Variants in TENM2 observed in about 807,000 individuals in gnomAD.
The protein encoded by TENM2 is teneurin transmembrane protein 2, also known as teneurin-2.
In TENM2, 52 loss-of-function variants were observed where a neutral mutation model predicts 245.2. The ratio of observed to expected loss-of-function variants is 0.21; its 90% CI spans 0.17 to 0.27. The LOEUF (loss-of-function observed/expected upper bound fraction) is 0.27. Among genes scored for constraint, TENM2 ranks in the 10% least tolerant of loss-of-function variants. The pLI, the probability that TENM2 is intolerant of heterozygous loss-of-function variation, is 1.00. For synonymous variants in TENM2, 1,363 were observed against 1,438.9 expected (o/e 0.95, Z 1.19); for missense variants, 3,046 against 3,666.8 (o/e 0.83, Z 4.37).
intron 2 of TENM2, among the ~76,000 whole-genome samples, chr5:167,570,356 T>C (rs961784765): frequency 2.0e-5 from 1 of 50,410 alleles, no homozygotes; most frequent in Admixed American, 2.5e-4. Context: ...TGGATGTCAT[T>C]CAGAGTGGCA....
At chr5:167,354,698 G>A (rs557969179) in intron 1 of TENM2, among the ~76,000 whole-genome samples, 1 of 152,284 alleles carries the variant, frequency 6.6e-6, no homozygotes, top group African/African-American at 2.4e-5. Context: ...TCGTTATGTG[G>A]CCTTAGGAAT....
intron 2 of TENM2, among the ~76,000 whole-genome samples, chr5:167,417,074 C>T (rs964913529): frequency 2.0e-5 from 3 of 152,150 alleles, no homozygotes; most frequent in African/African-American, 4.8e-5. Flanking sequence ...GCCCCTTCTC[C>T]ATGTCCCTAA....
the TENM2 span, among the ~76,000 whole-genome samples, chr5:167,158,443 T>C: frequency 1.3e-5 from 2 of 152,204 alleles, no homozygotes; most frequent in African/African-American, 4.8e-5. Flanking sequence ...ATGGTTTAGA[T>C]TGGCCTGCTT....
chr5:167,680,058 T>G (rs1756596812), intron 2 of TENM2, among the ~76,000 whole-genome samples: 1 of 152,086 alleles, frequency 6.6e-6, no homozygotes, highest in East Asian at 1.9e-4. Context: ...AGACACAGGC[T>G]TTGGAGAAAG....
At chr5:168,173,430 G>A (rs1297610281) in intron 13 of TENM2, among the ~76,000 whole-genome samples, 1 of 152,070 alleles carries the variant, frequency 6.6e-6, no homozygotes, top group Non-Finnish European at 1.5e-5. Context: ...TTCAGACCTG[G>A]GACCTAGATT....
At chr5:167,710,928 T>G (rs1758868953) in intron 2 of TENM2, among the ~76,000 whole-genome samples, 1 of 152,192 alleles carries the variant, frequency 6.6e-6, no homozygotes. Context: ...GCAGAAATAG[T>G]AACAATACAG....
chr5:167,785,074 C>A (rs576756957), intron 2 of TENM2, among the ~76,000 whole-genome samples: 2 of 152,192 alleles, frequency 1.3e-5, no homozygotes, highest in South Asian at 4.1e-4. Flanking sequence ...AAATTTTTTA[C>A]ATTTCTAATT....
chr5:168,158,948 T>C (rs1757500116), intron 12 of TENM2, among the ~76,000 whole-genome samples: 1 of 146,826 alleles, frequency 6.8e-6, no homozygotes, highest in South Asian at 2.1e-4. Context: ...CGTATATACA[T>C]ATATATATGT....
intron 1 of TENM2, among the ~76,000 whole-genome samples, chr5:167,350,889 A>T (rs867664092): frequency 4.7e-5 from 2 of 42,952 alleles, no homozygotes; most frequent in African/African-American, 6.6e-5. Context: ...TATATATGGG[A>T]TGTATACATA....
intron 25 of TENM2, among the ~76,000 whole-genome samples, chr5:168,237,967 C>T (rs1360610624): frequency 4.0e-5 from 6 of 151,210 alleles, no homozygotes; most frequent in Middle Eastern, 6.8e-3. Flanking sequence ...ACGGTGAAAC[C>T]CCGTCTCTAC....
chr5:167,745,044 A>G (rs1478754563), intron 2 of TENM2, among the ~76,000 whole-genome samples: 1 of 152,176 alleles, frequency 6.6e-6, no homozygotes, highest in East Asian at 1.9e-4. Context: ...CTAGACAGGC[A>G]ACAACCAACA....
At chr5:167,472,947 A>G (rs189064678) in intron 2 of TENM2, among the ~76,000 whole-genome samples, 4 of 152,270 alleles carry the variant, frequency 2.6e-5, no homozygotes, top group Admixed American at 2.0e-4. Context: ...GAGGAATTTA[A>G]TAACTTTTCT....
chr5:167,710,007 A>C (rs999086480), intron 2 of TENM2, among the ~76,000 whole-genome samples: 1 of 152,228 alleles, frequency 6.6e-6, no homozygotes, highest in Non-Finnish European at 1.5e-5. Flanking sequence ...GAGGGGAATC[A>C]TTATAAATCA....
the TENM2 span, among the ~76,000 whole-genome samples, chr5:167,243,369 G>A: frequency 6.6e-6 from 1 of 152,236 alleles, no homozygotes; most frequent in African/African-American, 2.4e-5. Context: ...GTTCCTGCAG[G>A]ATTTTACCCT....
At chr5:167,663,845 A>T (rs1755400275) in intron 2 of TENM2, among the ~76,000 whole-genome samples, 1 of 152,206 alleles carries the variant, frequency 6.6e-6, no homozygotes, top group African/African-American at 2.4e-5. Flanking sequence ...TCCATTTAGA[A>T]CATATCACTT....
At chr5:167,687,086 A>G (rs1181082640) in intron 2 of TENM2, among the ~76,000 whole-genome samples, 1 of 152,152 alleles carries the variant, frequency 6.6e-6, no homozygotes, top group Non-Finnish European at 1.5e-5. Flanking sequence ...TCTCTGCCTT[A>G]ATTTGATCAT....
chr5:167,445,336 T>TATATATAGAGAGAGAGAG (rs368881390), intron 2 of TENM2, among the ~76,000 whole-genome samples: 29 of 77,288 alleles, frequency 3.8e-4, no homozygotes, highest in Admixed American at 8.6e-4. Context: ...TATATATATA[T>TATATATAGAGAGAGAGAG]AGAGAGAGAG....
At chr5:167,007,845 C>T in the TENM2 span, among the ~76,000 whole-genome samples, 2 of 152,174 alleles carry the variant, frequency 1.3e-5, no homozygotes, top group Non-Finnish European at 2.9e-5. The surrounding 1 kb of genome is among the most constrained non-coding windows in gnomAD (Gnocchi z 4.2). Context: ...TCCTCACTCC[C>T]ACGAGCCAGC....
intron 2 of TENM2, among the ~76,000 whole-genome samples, chr5:167,564,787 T>C (rs1029896515): frequency 6.6e-6 from 1 of 152,176 alleles, no homozygotes; most frequent in Non-Finnish European, 1.5e-5. Flanking sequence ...AAAGGCTTTC[T>C]TTCATGGGGA....
Sources: allele counts gnomAD v4.1 joint callset (sites outside exome capture counted in the v4.1 genomes callset), GRCh38; gene constraint gnomAD v4.1.1; non-coding constraint Gnocchi (gnomAD v3.1); transcripts MANE v1.5; gene names NCBI Gene and HGNC (gene_info 2026-07-23, HGNC 2026-07-21).